AKR1C1: variants seen among roughly 807,000 people sequenced by gnomAD.
The protein encoded by AKR1C1 is aldo-keto reductase family 1 member C1, also known as 20 alpha-hydroxysteroid dehydrogenase.
Under a neutral mutation model 40.6 loss-of-function variants are expected in AKR1C1, and 32 were observed. The observed-to-expected ratio is 0.79, with a 90% CI of 0.60 to 1.06. AKR1C1 has a LOEUF of 1.06. AKR1C1 is among the 50% of genes least tolerant of loss of function. The pLI is 0.00. For synonymous variants in AKR1C1, 105 were observed against 134.2 expected, an observed-to-expected ratio of 0.78 and a Z score of 1.50; for missense variants, 320 against 363.5, an observed-to-expected ratio of 0.88 and a Z score of 0.97.
intron 8 of AKR1C1, among the ~76,000 whole-genome samples, chr10:4,976,718 G>A (rs1219317549): frequency 6.6e-6 from 1 of 152,054 alleles, no homozygotes; most frequent in African/African-American, 2.4e-5. Context: ...CATATAATGA[G>A]GGAAAAAAGA....
chr10:4,965,680 T>C (rs1836318649), intron 1 of AKR1C1: 2 of 455,158 alleles, frequency 4.4e-6, no homozygotes, highest in Non-Finnish European at 7.6e-6. Context: ...TTGGGGACAC[T>C]TCCAAACTAG....
chr10:4,964,300 T>G (rs2131639820), intron 1 of AKR1C1, among the ~76,000 whole-genome samples: 1 of 152,270 alleles, frequency 6.6e-6, no homozygotes, highest in South Asian at 2.1e-4. Context: ...AAAATTTGGG[T>G]TTCACATTTC....
chr10:4,966,557 G>T (rs1478963627), intron 2 of AKR1C1, among the ~76,000 whole-genome samples: 1 of 152,198 alleles, frequency 6.6e-6, no homozygotes, highest in Non-Finnish European at 1.5e-5. Context: ...TGCTTCCTCA[G>T]TTTCTAAACC....
chr10:4,967,226 T>C, intron 3 of AKR1C1, 183 bp downstream of exon 3: 1 of 991,878 alleles, frequency 1.0e-6, no homozygotes, highest in South Asian at 1.9e-5. Flanking sequence ...CTTCCGTGAT[T>C]GCATGTCTAT....
At chr10:4,969,038 G>A in intron 5 of AKR1C1, 94 bp downstream of exon 5, 2 of 1,591,656 alleles carry the variant, frequency 1.3e-6, no homozygotes, top group African/African-American at 2.7e-5. Flanking sequence ...ACTTATCTTT[G>A]TAAAAGAGAA....
At chr10:4,965,892 C>T (rs1405985929) in intron 1 of AKR1C1, 22 bp from the exon 2 acceptor site, 4 of 1,600,850 alleles carry the variant, frequency 2.5e-6, no homozygotes, top group East Asian at 2.2e-5. Flanking sequence ...TCAGAAAATA[C>T]TACCTATGGT....
In AKR1C1 at chr10:4,981,417, A is replaced by C. The variant is rs1290560723; in HGVS notation, c.*3675A>C. 1 of 152,240 alleles carries C rather than the reference A, an allele frequency of 6.6e-6. No individual in the cohort carries two copies. The highest frequency in any genetic ancestry group is 1.5e-5 in the Non-Finnish European group (1 of 68,054). 9.4% of individuals were successfully genotyped at this position (152,240 alleles called of 1,614,324 possible). Reference sequence around the variant, plus strand: ...AAGTACAGGGGCAGCAAAAGGTAACAGATGTCAACTATGAGATCTCATCAA... The same window carrying C: ...AAGTACAGGGGCAGCAAAAGGTAACCGATGTCAACTATGAGATCTCATCAA... On this transcript the variant is annotated 3_prime_UTR_variant, in exon 9 of 9. Coordinates refer to ENST00000380872, the MANE Select transcript of AKR1C1 (RefSeq NM_001353.6).
chr10:4,968,755 T>TG (rs1315024248), intron 4 of AKR1C1, 67 bp from the exon 5 acceptor site: 36 of 1,611,414 alleles, frequency 2.2e-5, no homozygotes, highest in Non-Finnish European at 3.0e-5. Context: ...TCTAGACAGT[T>TG]GTTACTTTCA....
intron 7 of AKR1C1, among the ~76,000 whole-genome samples, chr10:4,973,009 A>C (rs1473048038): frequency 6.6e-6 from 1 of 152,416 alleles, no homozygotes; most frequent in African/African-American, 2.4e-5. Context: ...TGCTGGGGCC[A>C]TGTCCTTTTC....
Position 4,968,908 on chromosome 10 carries a change from C to A in AKR1C1, c.534C>A (p.Asn178Lys). The change falls in exon 5 of 9, where the codon AAC (asparagine) becomes AAA (lysine). Residue 178 changes from asparagine (N) to lysine (K), a missense_variant. By Grantham distance (94) the Asn-to-Lys change is moderately conservative (BLOSUM62 0). Coordinates refer to ENST00000380872, the MANE Select transcript of AKR1C1 (RefSeq NM_001353.6). ...FNRRQLEMILNKPGLKYKPVC... is the reference protein window; with the variant it reads ...FNRRQLEMILKKPGLKYKPVC... ...GCAGGCAGCTGGAGATGATCCTCAA[C>A]AAGCCAGGGCTCAAGTACAAGCCTG... The A allele has an allele frequency of 1.2e-6, 2 of 1,614,184 alleles. No individual in the cohort carries two copies. Among genetic ancestry groups the A allele is most frequent in the Non-Finnish European group, 1.7e-6 (2 of 1,180,044 alleles).
intron 5 of AKR1C1, among the ~76,000 whole-genome samples, chr10:4,971,623 T>C (rs1172663715): frequency 6.7e-6 from 1 of 149,152 alleles, no homozygotes; most frequent in Non-Finnish European, 1.5e-5. Context: ...ACATTTGAGA[T>C]ATCAACATAC....
rs1222639395 is a variant in AKR1C1 at position 4,982,457 on chromosome 10, G to A, written c.*4715G>A. On this transcript the variant is annotated 3_prime_UTR_variant, in exon 9 of 9. Transcript: ENST00000380872. ...CCCACTCCCTTTTTTGAACTCTTCT[G>A]TGCAGCAGAGGCAATTAAACTCTCC... 1 of 150,458 alleles carries A rather than the reference G, an allele frequency of 6.6e-6. No homozygotes were observed. Among genetic ancestry groups the A allele is most frequent in the Non-Finnish European group, 1.4e-5 (1 of 69,282 alleles). 9.3% of individuals were successfully genotyped at this position (150,458 alleles called of 1,614,324 possible).
Position 4,966,878 on chromosome 10 carries a change from A to C in AKR1C1, c.253-49A>C, listed in dbSNP as rs1401049708. On this transcript the variant is annotated intron_variant, in intron 2 of 8. Coordinates refer to ENST00000380872, the MANE Select transcript of AKR1C1 (RefSeq NM_001353.6). ...AATATTAGGTGGAGCAAACTAGTAAAATTGGCTCAAGTTTTCATTACACAA... is the reference window on the plus strand; with the variant it reads ...AATATTAGGTGGAGCAAACTAGTAACATTGGCTCAAGTTTTCATTACACAA... The C allele has an allele frequency of 3.2e-6, 5 of 1,553,338 alleles. No individual in the cohort carries two copies. In the African/African-American group the frequency reaches 6.9e-5, roughly 21 times the overall value.
At chr10:4,972,155 G>A (rs2131644936) in intron 5 of AKR1C1, 46 bp from the exon 6 acceptor site, 1 of 1,611,708 alleles carries the variant, frequency 6.2e-7, no homozygotes, top group Middle Eastern at 1.7e-4. Flanking sequence ...TAATATTAGT[G>A]TAACTTTTGG....
rs548210173 is a variant in AKR1C1 at position 4,967,092 on chromosome 10, A to C, written c.369+49A>C. The C allele has an allele frequency of 4.5e-6, 7 of 1,561,228 alleles. No homozygotes were observed. In the East Asian group the frequency reaches 9.0e-5, roughly 20 times the overall value. On this transcript the variant is annotated intron_variant, in intron 3 of 8. Coordinates refer to ENST00000380872, the MANE Select transcript of AKR1C1 (RefSeq NM_001353.6). ...TAATTTCACTTTTGTTCTCAGCATA[A>C]ATATTGTTTTTATGGATATTTGAAC...
Position 4,981,408 on chromosome 10 carries a change from A to G in AKR1C1, c.*3666A>G, listed in dbSNP as rs1836612981. Reference sequence around the variant, plus strand: ...TGACAAAACAAGTACAGGGGCAGCAAAAGGTAACAGATGTCAACTATGAGA... The same window carrying G: ...TGACAAAACAAGTACAGGGGCAGCAGAAGGTAACAGATGTCAACTATGAGA... On this transcript the variant is annotated 3_prime_UTR_variant, in exon 9 of 9. Transcript: ENST00000380872. 2 of 152,232 alleles carry G rather than the reference A, an allele frequency of 1.3e-5. No homozygotes were observed. Among genetic ancestry groups the G allele is most frequent in the Non-Finnish European group, 1.5e-5 (1 of 68,044 alleles). The allele number at this position is 152,232 out of a possible 1,614,324, so 9.4% of individuals were successfully genotyped here.
intron 7 of AKR1C1, among the ~76,000 whole-genome samples, chr10:4,974,729 T>C (rs2131647396): frequency 6.6e-6 from 1 of 152,272 alleles, no homozygotes; most frequent in African/African-American, 2.4e-5. Flanking sequence ...ATATGAAATG[T>C]CCATGAGCAA....
intron 2 of AKR1C1, 21 bp downstream of exon 2, chr10:4,966,102 T>A (rs1282517597): frequency 1.9e-6 from 3 of 1,605,970 alleles, no homozygotes; most frequent in South Asian, 1.1e-5. Context: ...TATGATGAGC[T>A]TGTGTGCACA....
At chr10:4,965,054 T>A (rs1836309264) in intron 1 of AKR1C1, among the ~76,000 whole-genome samples, 1 of 152,226 alleles carries the variant, frequency 6.6e-6, no homozygotes, top group Non-Finnish European at 1.5e-5. Context: ...AGTGAGTCAA[T>A]GTAACCAGTC....
Sources: gnomAD v4.1 joint callset for allele counts (sites outside exome capture counted in the v4.1 genomes callset) on GRCh38, gnomAD v4.1.1 for gene constraint, MANE v1.5 for transcripts, NCBI Gene and HGNC (gene_info 2026-07-23, HGNC 2026-07-21) for gene names.